The following ANKRD44 variants were observed in gnomAD, a reference collection of about 807,000 sequenced individuals.
The protein encoded by ANKRD44 is serine/threonine-protein phosphatase 6 regulatory ankyrin repeat subunit B.
A neutral mutation model predicts 116.0 loss-of-function variants in ANKRD44; 35 were observed. The ratio of observed to expected loss-of-function variants is 0.30; its 90% CI spans 0.23 to 0.40. The LOEUF is 0.40. Ranked by LOEUF, ANKRD44 falls within the 10% of genes least tolerant of loss-of-function variation. The pLI, the probability that ANKRD44 is intolerant of heterozygous loss-of-function variation, is 1.00. For missense variants in ANKRD44, 1,014 were observed against 1,242.6 expected, an observed-to-expected ratio of 0.82 and a Z score of 2.77; for synonymous variants, 435 against 461.8, an observed-to-expected ratio of 0.94 and a Z score of 0.74.
Position 197,269,092 on chromosome 2 carries a change from T to TTTTTGTTTTTG in ANKRD44, c.27+41485_27+41486insCAAAAACAAAA, listed in dbSNP as rs545294452. Among the ~76,000 whole-genome samples, 43 of 72,450 alleles carry TTTTTGTTTTTG rather than the reference T, an allele frequency of 5.9e-4. 1 individual carries two copies. In the East Asian group the frequency reaches 0.014, roughly 23 times the overall value. The allele number at this position is 72,450 out of a possible 152,430, so 47.5% of individuals were successfully genotyped here. A position where few individuals can be genotyped will look rare whatever the true frequency, so the allele number is the denominator to read the frequency against. On this transcript the variant is annotated intron_variant, in intron 1 of 27. Coordinates refer to ENST00000282272, the MANE Select transcript of ANKRD44 (RefSeq NM_001195144.2). ...TGCTGGTAATGTGTTTTTGTTTTTG[T>TTTTTGTTTTTG]TTTTGATCTGGTTGCTACTCATAGA...
intron 16 of ANKRD44, among the ~76,000 whole-genome samples, chr2:197,049,029 G>T (rs10203062): frequency 0.071 from 10,807 of 151,180 alleles, 1,259 homozygotes; most frequent in African/African-American, 0.25. Flanking sequence ...TTTTGATGGG[G>T]TTTTTTTTTC....
At position 197,212,373 on chromosome 2, in the gene ANKRD44, T is replaced by A. The variant is rs2081346335; in HGVS notation, c.28-25267A>T. Among the ~76,000 whole-genome samples, 2 of 152,190 alleles carry A rather than the reference T, an allele frequency of 1.3e-5. No individual in the cohort carries two copies. On this transcript the variant is annotated intron_variant, in intron 1 of 27. Transcript: ENST00000282272. The surrounding 1 kb of genome is among the most constrained non-coding windows in gnomAD (Gnocchi z 4.8). ...GTCCCTATTCGAGAACCCAAAATGCTTCTGCACTAAATATTTGAACCCCTA... is the reference window on the plus strand; with the variant it reads ...GTCCCTATTCGAGAACCCAAAATGCATCTGCACTAAATATTTGAACCCCTA...
At chr2:197,282,036 G>A (rs1303892758) in intron 1 of ANKRD44, among the ~76,000 whole-genome samples, 1 of 152,004 alleles carries the variant, frequency 6.6e-6, no homozygotes, top group East Asian at 1.9e-4. Context: ...GGCAGATCAC[G>A]AGGTCAGGAG....
intron 16 of ANKRD44, among the ~76,000 whole-genome samples, chr2:197,057,938 T>C (rs1363486412): frequency 4.6e-5 from 7 of 152,184 alleles, no homozygotes. Context: ...AATGGAAATA[T>C]GTCTAGGGGT....
intron 2 of ANKRD44, among the ~76,000 whole-genome samples, chr2:197,178,845 T>G (rs2080433199): frequency 6.6e-6 from 1 of 152,192 alleles, no homozygotes; most frequent in South Asian, 2.1e-4. Context: ...CTTTACATAT[T>G]TACATCTATC....
chr2:197,162,723 A>G (rs1015936175), intron 2 of ANKRD44, among the ~76,000 whole-genome samples: 5 of 152,224 alleles, frequency 3.3e-5, no homozygotes, highest in Admixed American at 6.5e-5. Context: ...GCTTCTGGAC[A>G]GTACCATCAC....
intron 17 of ANKRD44, chr2:197,015,613 G>A (rs748425706): frequency 3.7e-5 from 20 of 545,940 alleles, no homozygotes; most frequent in Non-Finnish European, 6.0e-5. Context: ...TAGAAACTTT[G>A]GTGGAAGAAG....
intron 4 of ANKRD44, among the ~76,000 whole-genome samples, chr2:197,127,910 C>T (rs760977914): frequency 2.0e-4 from 31 of 152,242 alleles, no homozygotes; most frequent in Non-Finnish European, 3.1e-4. Flanking sequence ...TAAGTGAGGA[C>T]GTGCGGTGTT....
At position 196,987,094 on chromosome 2, in the gene ANKRD44, A is replaced by G. The variant is rs892910512; in HGVS notation, c.*2497T>C. ...TATTTGCATTGAATTTTTAGATCAC[A>G]TAAGAAACGCATAGAATTACATTTT... On this transcript the variant is annotated 3_prime_UTR_variant, in exon 28 of 28. Coordinates refer to ENST00000282272, the MANE Select transcript of ANKRD44 (RefSeq NM_001195144.2). 7.1e-6 allele frequency: 7 copies of G among 984,794 alleles called. No individual in the cohort carries two copies. Among genetic ancestry groups the G allele is most frequent in the Non-Finnish European group, 8.4e-6 (7 of 829,440 alleles). 61.0% of individuals were successfully genotyped at this position (984,794 alleles called of 1,614,324 possible). A position where few individuals can be genotyped will look rare whatever the true frequency, so the allele number is the denominator to read the frequency against.
chr2:197,227,234 A>G (rs149202534), intron 1 of ANKRD44, among the ~76,000 whole-genome samples: 75 of 152,362 alleles, frequency 4.9e-4, no homozygotes, highest in African/African-American at 1.6e-3. Context: ...TGATGAACTA[A>G]AAGCCTTCAT....
rs550254522 is a variant in ANKRD44, at chr2:197,065,213, T to C, written c.1650+13490A>G. Reference sequence around the variant, plus strand: ...TGCTCCTGAATGACTACTGGGTACATAACGAAATGAAGGCAGAAATAAAGA... The same window carrying C: ...TGCTCCTGAATGACTACTGGGTACACAACGAAATGAAGGCAGAAATAAAGA... On this transcript the variant is annotated intron_variant, in intron 16 of 27. Coordinates refer to ENST00000282272, the MANE Select transcript of ANKRD44 (RefSeq NM_001195144.2). Among the ~76,000 whole-genome samples, 76 of 152,172 alleles carry C rather than the reference T, an allele frequency of 5.0e-4. 1 individual carries two copies. In the South Asian group the frequency reaches 0.015, roughly 30 times the overall value.
At chr2:197,041,228 A>G (rs72924611) in intron 16 of ANKRD44, among the ~76,000 whole-genome samples, 13,655 of 152,234 alleles carry the variant, frequency 0.09, 821 homozygotes, top group Non-Finnish European at 0.13. Flanking sequence ...CTGGATTTCC[A>G]ATGAACTCTT....
Position 197,121,445 on chromosome 2 carries a change from C to A in ANKRD44, c.793G>T (p.Val265Leu), listed in dbSNP as rs368929104. ...AACCCATTATTGTTTGGCTGGTTCA[C>A]GTTAGCACCGTAGTCAATCAACTCG... ...VNELIDYGAN[V>L]NQPNNNGFTP... The change falls in exon 8 of 28, where the codon GTG becomes TTG. Residue 265 changes from valine (V) to leucine (L), a missense_variant. By Grantham distance (32) the Val-to-Leu change is conservative (BLOSUM62 1). Transcript: ENST00000282272. 2 of 1,614,210 alleles carry A rather than the reference C, an allele frequency of 1.2e-6. No individual in the cohort carries two copies. Among genetic ancestry groups the A allele is most frequent in the Non-Finnish European group, 1.7e-6 (2 of 1,180,038 alleles).
At chr2:197,294,570 C>G (rs1263182432) in intron 1 of ANKRD44, among the ~76,000 whole-genome samples, 1 of 152,070 alleles carries the variant, frequency 6.6e-6, no homozygotes, top group Non-Finnish European at 1.5e-5. Context: ...TTCATTCTCT[C>G]TCTGTCTCTC....
At chr2:197,194,390 C>A (rs1214611127) in intron 1 of ANKRD44, among the ~76,000 whole-genome samples, 16 of 152,164 alleles carry the variant, frequency 1.1e-4, no homozygotes, top group Non-Finnish European at 2.1e-4. Context: ...AATTTTACTA[C>A]TTAAGGTTGT....
At chr2:197,096,567 G>A (rs1559058282) in intron 10 of ANKRD44, among the ~76,000 whole-genome samples, 1 of 151,934 alleles carries the variant, frequency 6.6e-6, no homozygotes, top group African/African-American at 2.4e-5. Flanking sequence ...TCTAATCAAG[G>A]GCTGACATTT....
chr2:197,128,484 G>GT (rs1574508530), intron 4 of ANKRD44, among the ~76,000 whole-genome samples: 1 of 152,122 alleles, frequency 6.6e-6, no homozygotes, highest in Non-Finnish European at 1.5e-5. Flanking sequence ...TTTTAAAGGG[G>GT]TTTTTTATTT....
rs34354879 is a variant in ANKRD44, at chr2:196,989,278, C to CAA, written c.*311_*312dup. 7.9e-4 allele frequency: 704 copies of CAA among 886,230 alleles called. No individual in the cohort carries two copies. The highest frequency in any genetic ancestry group is 1.5e-3 in the South Asian group (29 of 18,780). 54.9% of individuals were successfully genotyped at this position (886,230 alleles called of 1,614,324 possible). ...TATATGGACATTTTCTCTAGTTTGG[C>CAA]AAAAAAAAAAAAAAAGGTCAGCACA... On this transcript the variant is annotated 3_prime_UTR_variant, in exon 28 of 28. Transcript: ENST00000282272.
intron 16 of ANKRD44, among the ~76,000 whole-genome samples, chr2:197,035,143 G>A (rs937308287): frequency 3.9e-5 from 6 of 152,084 alleles, no homozygotes; most frequent in African/African-American, 1.4e-4. Flanking sequence ...AGAACAAACA[G>A]GAGCTCAATG....
Sources: allele counts gnomAD v4.1 joint callset (sites outside exome capture counted in the v4.1 genomes callset), GRCh38; gene constraint gnomAD v4.1.1; non-coding constraint Gnocchi (gnomAD v3.1); transcripts MANE v1.5; gene names NCBI Gene and HGNC (gene_info 2026-07-23, HGNC 2026-07-21).